Variants in PCED1B observed in about 807,000 individuals in gnomAD.
PCED1B encodes the protein PC-esterase domain-containing protein 1B.
For synonymous variants in PCED1B, 251 were observed against 246.1 expected, an observed-to-expected ratio of 1.02 and a Z score of -0.19; for missense variants, 573 against 573.9, an observed-to-expected ratio of 1.00 and a Z score of 0.02.
intron 3 of PCED1B, among the ~76,000 whole-genome samples, chr12:47,218,693 CAG>C (rs1314127245): frequency 2.2e-5 from 3 of 138,488 alleles, no homozygotes; most frequent in Non-Finnish European, 4.6e-5. Context: ...TTTTTAGAGA[CAG>C]AGGTGTAGCT....
intron 2 of PCED1B, chr12:47,206,040 C>T (rs1031045147): frequency 2.0e-5 from 3 of 152,162 alleles, no homozygotes; most frequent in African/African-American, 7.2e-5. Context: ...CACAAGGAGT[C>T]GAAGCTGTCT....
At position 47,105,656 on chromosome 12, in the gene PCED1B, T is replaced by G. The variant is rs144477112; in HGVS notation, c.-526+1461T>G. 1.2e-3 allele frequency among the ~76,000 whole-genome samples: 186 copies of G among 152,330 alleles called. 1 individual carries two copies. In the East Asian group the frequency reaches 0.025, roughly 20 times the overall value. ...TTGCTCAAAACTGAATCTTAAAATTTGTTTTGTCATTGCTTTACCCAAAAT... is the reference window on the plus strand; with the variant it reads ...TTGCTCAAAACTGAATCTTAAAATTGGTTTTGTCATTGCTTTACCCAAAAT... On this transcript the variant is annotated intron_variant, in intron 2 of 3. Transcript: ENST00000546455.
chr12:47,236,118 A>G lies in PCED1B; in HGVS notation c.1055A>G (p.Gln352Arg). 2 of 1,614,022 alleles carry G rather than the reference A, an allele frequency of 1.2e-6. No individual in the cohort carries two copies. Among genetic ancestry groups the G allele is most frequent in the Non-Finnish European group, 1.7e-6 (2 of 1,180,000 alleles). The part of the protein sequence containing the change: ...FSSDHTFQSD[Q>R]FYCHSDVPSS... ...TCAGACCATACTTTCCAGTCGGATC[A>G]ATTCTATTGCCATTCAGATGTCCCC... Residue 352 changes from glutamine (Q) to arginine (R), a missense_variant, in exon 4 of 4, where the codon CAA becomes CGA. Physicochemically the swap from Gln to Arg is conservative, Grantham distance 43. Coordinates refer to ENST00000546455, the MANE Select transcript of PCED1B (RefSeq NM_138371.3).
rs768418049 is a variant in PCED1B at position 47,236,178 on chromosome 12, A to C, written c.1115A>C (p.Asn372Thr). Reference protein sequence around the residue: ...SAHAGFFVEDNFMVGPQLPMP... With the variant: ...SAHAGFFVEDTFMVGPQLPMP... ...CATGCAGGTTTCTTCGTCGAAGACA[A>C]TTTTATGGTTGGTCCTCAGCTGCCT... Residue 372 changes from asparagine to threonine, a missense_variant, in exon 4 of 4, where the codon AAT becomes ACT. Asn to Thr is a moderately conservative substitution (Grantham distance 65). Transcript: ENST00000546455. The C allele has an allele frequency of 1.2e-6, 2 of 1,614,004 alleles. No homozygotes were observed. The highest frequency in any genetic ancestry group is 1.7e-6 in the Non-Finnish European group (2 of 1,179,982).
At chr12:47,213,870 CTTTAT>C (rs1352221588) in intron 2 of PCED1B, among the ~76,000 whole-genome samples, 2 of 152,290 alleles carry the variant, frequency 1.3e-5, no homozygotes, top group African/African-American at 2.4e-5. Flanking sequence ...TTGATCTCAA[CTTTAT>C]TTTAAGTTTA....
chr12:47,087,987 C>T (rs1938069442), intron 1 of PCED1B, among the ~76,000 whole-genome samples: 1 of 152,122 alleles, frequency 6.6e-6, no homozygotes, highest in African/African-American at 2.4e-5. Context: ...GGATTTTGTT[C>T]CAGAACATCC....
At chr12:47,117,432 G>T (rs1939473059) in intron 2 of PCED1B, among the ~76,000 whole-genome samples, 1 of 152,058 alleles carries the variant, frequency 6.6e-6, no homozygotes, top group African/African-American at 2.4e-5. Context: ...CCACCTATGA[G>T]TGAGAACATG....
At chr12:47,171,342 C>G (rs1480931212) in intron 2 of PCED1B, among the ~76,000 whole-genome samples, 1 of 152,180 alleles carries the variant, frequency 6.6e-6, no homozygotes, top group Non-Finnish European at 1.5e-5. Context: ...GCTGGGATTA[C>G]AGGCGTGAGC....
chr12:47,112,798 G>T (rs1189177553), intron 2 of PCED1B, among the ~76,000 whole-genome samples: 1 of 152,170 alleles, frequency 6.6e-6, no homozygotes, highest in Non-Finnish European at 1.5e-5. Context: ...GCTCCAGGGA[G>T]TACTGGGATT....
At chr12:47,136,171 T>C (rs1301367892) in intron 2 of PCED1B, among the ~76,000 whole-genome samples, 1 of 151,754 alleles carries the variant, frequency 6.6e-6, no homozygotes, top group Non-Finnish European at 1.5e-5. Flanking sequence ...ACATACTTCT[T>C]GCCCATTTGT....
intron 1 of PCED1B, among the ~76,000 whole-genome samples, chr12:47,087,282 T>C (rs550958933): frequency 1.3e-5 from 2 of 152,214 alleles, no homozygotes; most frequent in African/African-American, 4.8e-5. Context: ...TTAATTCTTA[T>C]AAAGGGCTTC....
intron 2 of PCED1B, among the ~76,000 whole-genome samples, chr12:47,214,722 T>C (rs1309702136): frequency 1.3e-5 from 2 of 152,150 alleles, no homozygotes; most frequent in South Asian, 2.1e-4. Context: ...GTAATAAAAG[T>C]TGTCTGAGAG....
chr12:47,194,461 C>A (rs947091162), intron 2 of PCED1B, among the ~76,000 whole-genome samples: 1 of 152,214 alleles, frequency 6.6e-6, no homozygotes, highest in South Asian at 2.1e-4. Flanking sequence ...GCGTGAGCCA[C>A]CGCACCTTGC....
chr12:47,165,807 A>G (rs912356164), intron 2 of PCED1B, among the ~76,000 whole-genome samples: 2 of 152,230 alleles, frequency 1.3e-5, no homozygotes, highest in Non-Finnish European at 2.9e-5. Flanking sequence ...CATAATGTGC[A>G]CATTAGTCCT....
chr12:47,081,693 A>T (rs532899128), intron 1 of PCED1B, among the ~76,000 whole-genome samples: 57 of 152,332 alleles, frequency 3.7e-4, no homozygotes, highest in Non-Finnish European at 5.6e-4. Flanking sequence ...GTTAATACAG[A>T]GGAATAGAAT....
rs555996391 is a variant in PCED1B at position 47,105,752 on chromosome 12, C to T, written c.-526+1557C>T. ...TTAAAAAGGTTCTAGTAAGAAGCAG[C>T]TTTAATGCTGTTTGTGGAAGGAAAA... On this transcript the variant is annotated intron_variant, in intron 2 of 3. Transcript: ENST00000546455. Among the ~76,000 whole-genome samples, 5 of 152,102 alleles carry T rather than the reference C, an allele frequency of 3.3e-5. No individual in the cohort carries two copies. In the South Asian group the frequency reaches 6.2e-4, roughly 19 times the overall value.
chr12:47,155,862 C>A (rs927952789), intron 2 of PCED1B, among the ~76,000 whole-genome samples: 2 of 152,228 alleles, frequency 1.3e-5, no homozygotes, highest in Non-Finnish European at 2.9e-5. Flanking sequence ...TCCCACCCAT[C>A]ACACAGTTGT....
chr12:47,196,389 A>C (rs1307096733), intron 2 of PCED1B, among the ~76,000 whole-genome samples: 1 of 152,258 alleles, frequency 6.6e-6, no homozygotes, highest in Non-Finnish European at 1.5e-5. Context: ...ACCTAACTCA[A>C]GGATTGTTCA....
intron 1 of PCED1B, among the ~76,000 whole-genome samples, chr12:47,102,474 T>A (rs1938751513): frequency 6.6e-6 from 1 of 152,212 alleles, no homozygotes. Context: ...CAACATGATG[T>A]CAGTCTGCAA....
Sources: allele counts gnomAD v4.1 joint callset (sites outside exome capture counted in the v4.1 genomes callset), GRCh38; gene constraint gnomAD v4.1.1; transcripts MANE v1.5; gene names NCBI Gene and HGNC (gene_info 2026-07-23, HGNC 2026-07-21).